Variants in CDKL5 observed in about 807,000 individuals in gnomAD.
CDKL5 encodes the protein cyclin dependent kinase like 5, also known as cyclin-dependent kinase-like 5.
A neutral mutation model predicts 61.7 loss-of-function variants in CDKL5; 8 were observed. That is an observed-to-expected ratio of 0.13 (90% CI 0.08 to 0.23). The LOEUF is 0.23. Among genes scored for constraint, CDKL5 ranks in the 10% least tolerant of loss-of-function variants. CDKL5 has a pLI of 1.00. For synonymous variants in CDKL5, 275 were observed against 272.3 expected (o/e 1.01, Z -0.10); for missense variants, 440 against 734.5 (o/e 0.60, Z 4.63).
In CDKL5 at chrX:18,634,325, C is replaced by T. The variant is rs894812713; in HGVS notation, c.*5568C>T. The T allele has an allele frequency of 2.8e-5, 21 of 751,749 alleles. No homozygotes were observed. In the African/African-American group the frequency reaches 4.2e-4, roughly 15 times the overall value. The allele number at this position is 751,749 out of a possible 1,213,427, so 62.0% of individuals were successfully genotyped here. A position where few individuals can be genotyped will look rare whatever the true frequency, so the allele number is the denominator to read the frequency against. On this transcript the variant is annotated 3_prime_UTR_variant, in exon 18 of 18. Transcript: ENST00000623535. ...TGATCTGATTTCTTTCAGGGGTAGA[C>T]AAGCTTGTCCTAGTGCTCTGCTTCA... is the stretch of plus-strand genomic sequence containing the variant.
chrX:18,502,606 A>G (rs1316533864), intron 1 of CDKL5, among the ~76,000 whole-genome samples: 2 of 111,254 alleles, frequency 1.8e-5, no homozygotes, highest in East Asian at 2.8e-4. Context: ...GAGAAGTGAC[A>G]TGGTCTGAGT....
rs182341059 is a variant in CDKL5, at chrX:18,629,133, C to T, written c.*376C>T. ...CTGGCACTGCAAGGGATAGGAAAGT[C>T]GTGTTGACCGATGCCCTTACTACAT... On this transcript the variant is annotated 3_prime_UTR_variant, in exon 18 of 18. Transcript: ENST00000623535. The T allele has an allele frequency of 4.4e-3, 3,384 of 775,388 alleles. 13 individuals are homozygous for T. The highest frequency in any genetic ancestry group is 0.014 in the Middle Eastern group (20 of 1,389). 63.9% of individuals were successfully genotyped at this position (775,388 alleles called of 1,213,427 possible).
intron 1 of CDKL5, among the ~76,000 whole-genome samples, chrX:18,484,442 T>C (rs1366637403): frequency 2.7e-5 from 3 of 109,890 alleles, no homozygotes; most frequent in Non-Finnish European, 5.7e-5. Flanking sequence ...CTCAGCCTCC[T>C]GAGTAGCTGG....
At position 18,630,281 on chromosome X, in the gene CDKL5, G is replaced by A. The variant is rs565884324; in HGVS notation, c.*1524G>A. 2.7e-6 allele frequency: 2 copies of A among 750,550 alleles called. No homozygotes were observed. The highest frequency in any genetic ancestry group is 1.4e-4 in the South Asian group (2 of 14,477). 61.9% of individuals were successfully genotyped at this position (750,550 alleles called of 1,213,427 possible). A position where few individuals can be genotyped will look rare whatever the true frequency, so the allele number is the denominator to read the frequency against. On this transcript the variant is annotated 3_prime_UTR_variant, in exon 18 of 18. Transcript: ENST00000623535. ...ACTCCCAAGTATCATCAAACCCTTT[G>A]GCCATCAAGTGTTATCCTCCCATGC...
rs748260610 is a variant in CDKL5 at position 18,631,169 on chromosome X, A to C, written c.*2412A>C. 6.3e-5 allele frequency: 47 copies of C among 751,107 alleles called. No homozygotes were observed. Among genetic ancestry groups the C allele is most frequent in the Non-Finnish European group, 7.4e-5 (47 of 638,579 alleles). 61.9% of individuals were successfully genotyped at this position (751,107 alleles called of 1,213,427 possible). On this transcript the variant is annotated 3_prime_UTR_variant, in exon 18 of 18. Transcript: ENST00000623535. ...ATTTCTATTCATGACGGTTCTTCAA[A>C]GAAGGGCTAGAATATTTGCCTTCTA...
intron 1 of CDKL5, among the ~76,000 whole-genome samples, chrX:18,437,277 A>G (rs1190784406): frequency 9.0e-6 from 1 of 111,144 alleles, no homozygotes; most frequent in Non-Finnish European, 1.9e-5. Flanking sequence ...ATTCCCTTTA[A>G]TTTTCTAAAG....
intron 1 of CDKL5, among the ~76,000 whole-genome samples, chrX:18,475,061 A>G (rs1471272709): frequency 1.9e-5 from 2 of 107,088 alleles, no homozygotes; most frequent in Non-Finnish European, 3.8e-5. Context: ...GGTTCAAGCA[A>G]TTCTCTCCTG....
chrX:18,427,440 A>T (rs1931392307), intron 1 of CDKL5, among the ~76,000 whole-genome samples: 1 of 109,466 alleles, frequency 9.1e-6, no homozygotes, highest in African/African-American at 3.3e-5. Flanking sequence ...TTAGGGAAAA[A>T]TTCCGTTTGG....
chrX:18,609,497 T>C lies in CDKL5; in HGVS notation c.2079T>C (p.Asp693=). Residue 693 remains aspartate, a synonymous_variant, in exon 14 of 18, where the codon GAT becomes GAC. Coordinates refer to ENST00000623535, the MANE Select transcript of CDKL5 (RefSeq NM_001323289.2). ...GGVYHDPHSD[D]GTAPKENRHL... is the part of the protein sequence containing the mutation. ...TGTATCATGACCCACACTCTGATGA[T>C]GGCACAGCCCCCAAAGAAAATAGAC... 2 of 1,212,049 alleles carry C rather than the reference T, an allele frequency of 1.7e-6. No individual in the cohort carries two copies. Among genetic ancestry groups the C allele is most frequent in the East Asian group, 5.9e-5 (2 of 33,853 alleles).
At chrX:18,479,778 G>A (rs1167308849) in intron 1 of CDKL5, among the ~76,000 whole-genome samples, 3 of 111,424 alleles carry the variant, frequency 2.7e-5, no homozygotes, top group Non-Finnish European at 5.7e-5. Context: ...TTTTCTCTGA[G>A]GTTCTGTTCA....
Position 18,579,979 on chromosome X carries a change from G to T in CDKL5, c.403+11G>T, listed in dbSNP as rs764217451. The T allele has an allele frequency of 8.5e-7, 1 of 1,176,638 alleles. No individual in the cohort carries two copies. On this transcript the variant is annotated intron_variant, in intron 6 of 17. Transcript: ENST00000623535. ...ATATTGTCCATCGAGGTGAGTATGA[G>T]ATTTTTAAAATGGAAAATATTAAAA...
intron 3 of CDKL5, among the ~76,000 whole-genome samples, chrX:18,548,200 G>A (rs2147120414): frequency 9.2e-6 from 1 of 108,937 alleles, no homozygotes; most frequent in South Asian, 4.0e-4. Flanking sequence ...ATTGAGGCGT[G>A]CCTGGGCATT....
chrX:18,575,216 T>C (rs1925256281), intron 4 of CDKL5, 138 bp from the exon 5 acceptor site: 1 of 513,858 alleles, frequency 1.9e-6, no homozygotes, highest in African/African-American at 2.4e-5. Context: ...TGTTATTTAA[T>C]ATTCCATTCT....
intron 2 of CDKL5, among the ~76,000 whole-genome samples, chrX:18,509,192 AAC>A (rs1183838846): frequency 5.1e-4 from 23 of 45,009 alleles, no homozygotes; most frequent in Admixed American, 7.4e-4. Context: ...ACTGTCTCAA[AAC>A]ACGCACACAC....
At chrX:18,641,996 G>A (rs1927595161), downstream of CDKL5, 2 of 1,211,009 alleles carry the variant, frequency 1.7e-6, no homozygotes, top group African/African-American at 3.5e-5. Flanking sequence ...GCCGAGCTGA[G>A]GCAGGCATCA....
intron 13 of CDKL5, among the ~76,000 whole-genome samples, chrX:18,609,225 T>C (rs1397454546): frequency 3.6e-5 from 4 of 110,683 alleles, no homozygotes; most frequent in African/African-American, 9.9e-5. Context: ...AGACCCCATC[T>C]CTACAAAAAG....
chrX:18,569,133 G>A (rs771216198), intron 4 of CDKL5, among the ~76,000 whole-genome samples: 1 of 112,020 alleles, frequency 8.9e-6, no homozygotes, highest in African/African-American at 3.2e-5. Flanking sequence ...AAGGAAGAAT[G>A]TTTGAGTAAT....
In CDKL5 at chrX:18,609,197, AGCCTGGGCAACAT is replaced by A. The variant is rs1163104342; in HGVS notation, c.2047-267_2047-255del. On this transcript the variant is annotated intron_variant, in intron 13 of 17. Transcript: ENST00000623535. ...TGCTTGTGTCCAGGAGTTCAAGACC[AGCCTGGGCAACAT>A]AGCAAGACCCCATCTCTACAAAAAG... Among the ~76,000 whole-genome samples the A allele has an allele frequency of 9.0e-5, 10 of 111,257 alleles. No homozygotes were observed. The Admixed American group carries it at 9.6e-4, about 11-fold the overall frequency.
At chrX:18,565,411 A>G (rs964968936) in intron 4 of CDKL5, among the ~76,000 whole-genome samples, 11 of 112,316 alleles carry the variant, frequency 9.8e-5, no homozygotes, top group African/African-American at 3.5e-4. Context: ...CTGTTCATGT[A>G]AATGCCTATT....
Sources: allele counts gnomAD v4.1 joint callset (sites outside exome capture counted in the v4.1 genomes callset), GRCh38; gene constraint gnomAD v4.1.1; transcripts MANE v1.5; gene names NCBI Gene and HGNC (gene_info 2026-07-23, HGNC 2026-07-21).